CNGA3: variants seen among roughly 807,000 people sequenced by gnomAD.
CNGA3 encodes cyclic nucleotide-gated channel alpha-3.
A neutral mutation model predicts 46.6 loss-of-function variants in CNGA3; 42 were observed. The ratio of observed to expected loss-of-function variants is 0.90; its 90% confidence interval spans 0.70 to 1.17. The LOEUF is 1.17. CNGA3 is among the 50% of genes most tolerant of loss of function. The probability of loss-of-function intolerance (pLI) is 0.00; values close to 1 mark genes in which losing one functional copy is unlikely to be tolerated. For missense variants in CNGA3, 893 were observed against 890.7 expected, an observed-to-expected ratio of 1.00 and a Z score of -0.03; for synonymous variants, 394 against 369.4, an observed-to-expected ratio of 1.07 and a Z score of -0.76.
intron 6 of CNGA3, among the ~76,000 whole-genome samples, chr2:98,390,820 G>A (rs901859195): frequency 2.0e-5 from 3 of 152,228 alleles, no homozygotes; most frequent in African/African-American, 7.2e-5. Context: ...TTGGTCTTCT[G>A]AGGGTACACG....
chr2:98,376,905 C>T (rs1394328161), intron 2 of CNGA3, among the ~76,000 whole-genome samples: 1 of 152,178 alleles, frequency 6.6e-6, no homozygotes, highest in Non-Finnish European at 1.5e-5. Context: ...GGCAATTCAA[C>T]CAGACTCTGC....
intron 2 of CNGA3, among the ~76,000 whole-genome samples, chr2:98,370,615 C>G (rs1692263502): frequency 6.6e-6 from 1 of 152,192 alleles, no homozygotes; most frequent in East Asian, 1.9e-4. Flanking sequence ...CATCCTGACA[C>G]AGGTAGGAAA....
intron 5 of CNGA3, among the ~76,000 whole-genome samples, chr2:98,385,815 G>A (rs1692641972): frequency 6.6e-6 from 1 of 152,184 alleles, no homozygotes; most frequent in Non-Finnish European, 1.5e-5. Flanking sequence ...AATCATGGTG[G>A]AAGGCAAAGG....
chr2:98,377,993 G>A (rs905965048), intron 3 of CNGA3, 193 bp downstream of exon 3: 4 of 1,509,066 alleles, frequency 2.7e-6, no homozygotes. Flanking sequence ...GCTCAGAAAA[G>A]TCTAAGGAAA....
intron 1 of CNGA3, among the ~76,000 whole-genome samples, chr2:98,356,883 C>T (rs1691893705): frequency 6.6e-6 from 1 of 152,194 alleles, no homozygotes; most frequent in Admixed American, 6.5e-5. Flanking sequence ...CATAAATTCC[C>T]ACTTATAAAT....
intron 1 of CNGA3, among the ~76,000 whole-genome samples, chr2:98,350,533 A>T (rs961963231): frequency 6.6e-6 from 1 of 152,156 alleles, no homozygotes; most frequent in African/African-American, 2.4e-5. Flanking sequence ...TCCTCTTGCA[A>T]TCTCAACCTG....
chr2:98,377,723 G>C lies in CNGA3; in HGVS notation c.138G>C (p.Leu46=). The change falls in exon 3 of 8, where the codon CTG becomes CTC. Residue 46 remains leucine (L), a synonymous_variant. Coordinates refer to ENST00000272602, the MANE Select transcript of CNGA3 (RefSeq NM_001298.3). The stretch of plus-strand genomic sequence containing the variant: ...CAAGTGAGGAGACATCGTCAGTGCT[G>C]CAGCCGGGGATCGCCATGGAGACCA... ...HSSSEETSSV[L]QPGIAMETRG... 5 of 1,613,486 alleles carry C rather than the reference G, an allele frequency of 3.1e-6. No individual in the cohort carries two copies. The highest frequency in any genetic ancestry group is 4.2e-6 in the Non-Finnish European group (5 of 1,180,008).
rs1692740329 is a variant in CNGA3 at position 98,389,750 on chromosome 2, A to G, written c.542A>G (p.Tyr181Cys). 8 of 1,613,268 alleles carry G rather than the reference A, an allele frequency of 5.0e-6. No individual in the cohort carries two copies. The highest frequency in any genetic ancestry group is 4.2e-6 in the Non-Finnish European group (5 of 1,179,982). The change falls in exon 6 of 8, where the codon TAT becomes TGT. Residue 181 changes from tyrosine to cysteine, a missense_variant. By Grantham distance (194) the Tyr-to-Cys change is radical. Around this residue, in one of 3 missense-constraint regions of CNGA3, gnomAD observed 333 missense variants for 290.8 expected, o/e 1.15. Coordinates refer to ENST00000272602, the MANE Select transcript of CNGA3 (RefSeq NM_001298.3). ...ACCGCCATCGCCCTGCCTGTCTTCT[A>G]TAACTGGTATCTGCTTATTTGCAGG... Reference protein sequence around the residue: ...WLTAIALPVFYNWYLLICRAC... With the variant: ...WLTAIALPVFCNWYLLICRAC...
intron 2 of CNGA3, among the ~76,000 whole-genome samples, chr2:98,371,835 G>T (rs1296479442): frequency 1.3e-5 from 2 of 152,214 alleles, no homozygotes; most frequent in Non-Finnish European, 2.9e-5. Flanking sequence ...TTCAAAGAGA[G>T]GGTCGGGCAT....
chr2:98,348,857 C>CT (rs1331343137), intron 1 of CNGA3, among the ~76,000 whole-genome samples: 1 of 152,160 alleles, frequency 6.6e-6, no homozygotes, highest in Non-Finnish European at 1.5e-5. Flanking sequence ...ACCAGGTGGC[C>CT]TGCATTCCGG....
chr2:98,370,199 G>C (rs1692255358), intron 2 of CNGA3, 123 bp downstream of exon 2: 3 of 775,358 alleles, frequency 3.9e-6, no homozygotes, highest in Non-Finnish European at 6.7e-6. Flanking sequence ...GGCAGGGGAG[G>C]TATTCACAGC....
rs980230198 is a variant in CNGA3, at chr2:98,366,950, T to A, written c.-37-2989T>A. Reference sequence around the variant, plus strand: ...CATGGAAAAAGCGTGGTTTCCTGGGTAGGGTAGCACAATCACTCACCGCCT... The same window carrying A: ...CATGGAAAAAGCGTGGTTTCCTGGGAAGGGTAGCACAATCACTCACCGCCT... On this transcript the variant is annotated intron_variant, in intron 1 of 7. Transcript: ENST00000272602. Among the ~76,000 whole-genome samples, 3 of 152,128 alleles carry A rather than the reference T, an allele frequency of 2.0e-5. No homozygotes were observed. The South Asian group carries it at 6.2e-4, about 32-fold the overall frequency.
intron 1 of CNGA3, among the ~76,000 whole-genome samples, chr2:98,368,527 C>A (rs1033621073): frequency 3.9e-5 from 6 of 152,220 alleles, no homozygotes; most frequent in Admixed American, 3.9e-4. Context: ...ATCACAGGGG[C>A]ACCTTCCAAT....
chr2:98,397,755 G>T lies in CNGA3; in HGVS notation c.*500G>T. The T allele has an allele frequency of 5.6e-6, 1 of 177,494 alleles. No homozygotes were observed. Among genetic ancestry groups the T allele is most frequent in the Non-Finnish European group, 1.2e-5 (1 of 82,218 alleles). The allele number at this position is 177,494 out of a possible 1,614,324, so 11.0% of individuals were successfully genotyped here. The stretch of plus-strand genomic sequence containing the variant: ...CAGTTTGAGGCATATTTCTTAATCT[G>T]GTATCACCTCGTGTGTTCTTTGGGG... On this transcript the variant is annotated 3_prime_UTR_variant, in exon 8 of 8. Transcript: ENST00000272602.
At chr2:98,380,931 G>A (rs929675346) in intron 4 of CNGA3, among the ~76,000 whole-genome samples, 14 of 150,150 alleles carry the variant, frequency 9.3e-5, no homozygotes, top group African/African-American at 3.4e-4. Context: ...TGAGAGTAGA[G>A]CGAGGTGGGG....
At chr2:98,373,750 T>C (rs1356269518) in intron 2 of CNGA3, among the ~76,000 whole-genome samples, 1 of 152,236 alleles carries the variant, frequency 6.6e-6, no homozygotes, top group African/African-American at 2.4e-5. Flanking sequence ...AGAAACAGGC[T>C]ATTCTCTGCT....
At position 98,397,074 on chromosome 2, in the gene CNGA3, C is replaced by A; in HGVS notation, c.1904C>A (p.Ser635Tyr). 1 of 1,614,118 alleles carries A rather than the reference C, an allele frequency of 6.2e-7. No individual in the cohort carries two copies. The highest frequency in any genetic ancestry group is 8.5e-7 in the Non-Finnish European group (1 of 1,180,016). Residue 635 changes from serine to tyrosine, a missense_variant, in exon 8 of 8, where the codon TCC (serine) becomes TAC (tyrosine). Physicochemically the swap from Ser to Tyr is moderately radical, Grantham distance 144 (BLOSUM62 -2). Coordinates refer to ENST00000272602, the MANE Select transcript of CNGA3 (RefSeq NM_001298.3). ...GAGGAGAAAGTGGAGCAGCTGGGGT[C>A]CTCCCTGGACACCCTGCAGACCAGG... is the stretch of plus-strand genomic sequence containing the variant. ...DLEEKVEQLG[S>Y]SLDTLQTRFA... is the part of the protein sequence containing the mutation.
chr2:98,397,579 G>A lies in CNGA3; in HGVS notation c.*324G>A, dbSNP rs867899131. 2.6e-6 allele frequency: 1 copy of A among 388,792 alleles called. No homozygotes were observed. The highest frequency in any genetic ancestry group is 4.7e-6 in the Non-Finnish European group (1 of 211,986). The allele number at this position is 388,792 out of a possible 1,614,324, so 24.1% of individuals were successfully genotyped here. A position where few individuals can be genotyped will look rare whatever the true frequency, so the allele number is the denominator to read the frequency against. The stretch of plus-strand genomic sequence containing the variant: ...CATTACTTTTTTATGGAATCTGCAA[G>A]GTGTTTTTAGGCTTTTTAATCTGAT... On this transcript the variant is annotated 3_prime_UTR_variant, in exon 8 of 8. Coordinates refer to ENST00000272602, the MANE Select transcript of CNGA3 (RefSeq NM_001298.3).
At chr2:98,371,216 A>C (rs924772148) in intron 2 of CNGA3, among the ~76,000 whole-genome samples, 1 of 152,178 alleles carries the variant, frequency 6.6e-6, no homozygotes, top group African/African-American at 2.4e-5. Context: ...TATATATAGA[A>C]TTGAAAACTT....
Sources: allele counts gnomAD v4.1 joint callset (sites outside exome capture counted in the v4.1 genomes callset), GRCh38; gene constraint gnomAD v4.1.1; regional missense constraint gnomAD v4.1.1; transcripts MANE v1.5; gene names NCBI Gene and HGNC (gene_info 2026-07-23, HGNC 2026-07-21).